The following RCSD1 variants were observed in gnomAD, a reference collection of about 807,000 sequenced individuals.
RCSD1 encodes capZ-interacting protein.
Under a neutral mutation model 42.5 loss-of-function variants are expected in RCSD1, and 26 were observed. The observed-to-expected ratio is 0.61, with a 90% confidence interval of 0.45 to 0.85. The LOEUF (loss-of-function observed/expected upper bound fraction) is 0.85. Among genes scored for constraint, RCSD1 ranks in the 40% least tolerant of loss-of-function variants. The pLI is 0.00. For synonymous variants in RCSD1, 220 were observed against 212.2 expected (o/e 1.04, Z -0.32); for missense variants, 571 against 528.3 (o/e 1.08, Z -0.79).
intron 1 of RCSD1, among the ~76,000 whole-genome samples, chr1:167,670,839 C>T (rs970071321): frequency 1.3e-5 from 2 of 152,178 alleles, no homozygotes; most frequent in African/African-American, 2.4e-5. Flanking sequence ...CAATTCTGGT[C>T]AGTCCTTCCT....
At chr1:167,689,138 T>C (rs151010536) in intron 3 of RCSD1, among the ~76,000 whole-genome samples, 15 of 152,138 alleles carry the variant, frequency 9.9e-5, no homozygotes, top group African/African-American at 3.6e-4. Context: ...CATCTTTGTA[T>C]GACCCACACA....
intron 1 of RCSD1, among the ~76,000 whole-genome samples, chr1:167,632,683 G>A (rs1571662383): frequency 8.2e-6 from 1 of 122,432 alleles, no homozygotes. Flanking sequence ...ATCACCCTGC[G>A]TCTCACATCC....
chr1:167,658,878 C>T (rs1213465128), intron 1 of RCSD1, among the ~76,000 whole-genome samples: 3 of 152,064 alleles, frequency 2.0e-5, no homozygotes, highest in Non-Finnish European at 4.4e-5. Context: ...TGTACGCTAG[C>T]ATTTATGTCT....
In RCSD1 at chr1:167,707,160, G is replaced by A. The variant is rs1659774236; in HGVS notation, c.*2464G>A. 6.6e-6 allele frequency among the ~76,000 whole-genome samples: 1 copy of A among 152,200 alleles called. No homozygotes were observed. The highest frequency in any genetic ancestry group is 2.1e-4 in the South Asian group (1 of 4,824). ...AAAAGGGGATTAGGATTCTGTTTCA[G>A]CTGCATGTGGAACTAGGTAAGCTTC... is the stretch of plus-strand genomic sequence containing the variant. On this transcript the variant is annotated 3_prime_UTR_variant, in exon 7 of 7. Coordinates refer to ENST00000367854, the MANE Select transcript of RCSD1 (RefSeq NM_052862.4).
Position 167,707,094 on chromosome 1 carries a change from GA to G in RCSD1, c.*2406del, listed in dbSNP as rs981744199. Among the ~76,000 whole-genome samples, 8 of 152,090 alleles carry G rather than the reference GA, an allele frequency of 5.3e-5. No individual in the cohort carries two copies. Among genetic ancestry groups the G allele is most frequent in the African/African-American group, 1.4e-4 (6 of 41,486 alleles). The stretch of plus-strand genomic sequence containing the variant: ...CTTCCTTACTCCAGAGAGGGAGCAA[GA>G]AAAAAAACCTGGATGCTTTGAAGGG... On this transcript the variant is annotated 3_prime_UTR_variant, in exon 7 of 7. Coordinates refer to ENST00000367854, the MANE Select transcript of RCSD1 (RefSeq NM_052862.4).
chr1:167,659,933 G>A (rs745958109), intron 1 of RCSD1, among the ~76,000 whole-genome samples: 22 of 151,998 alleles, frequency 1.4e-4, no homozygotes, highest in African/African-American at 1.5e-4. Flanking sequence ...GACATTGAAC[G>A]CTCTCTCCAA....
At chr1:167,639,575 C>T (rs1038802932) in intron 1 of RCSD1, among the ~76,000 whole-genome samples, 1 of 152,134 alleles carries the variant, frequency 6.6e-6, no homozygotes, top group Non-Finnish European at 1.5e-5. Context: ...TCACTGCAAC[C>T]TCCACCTCCC....
At chr1:167,648,877 GTCAC>G (rs1319479683) in intron 1 of RCSD1, among the ~76,000 whole-genome samples, 4 of 152,200 alleles carry the variant, frequency 2.6e-5, no homozygotes, top group Non-Finnish European at 4.4e-5. Context: ...GAAGCAATCA[GTCAC>G]TCGCTTGCTT....
chr1:167,699,265 G>T (rs190885473), intron 6 of RCSD1, among the ~76,000 whole-genome samples: 134 of 152,260 alleles, frequency 8.8e-4, no homozygotes, highest in African/African-American at 2.9e-3. Flanking sequence ...CACAAACTTG[G>T]TGGCTCAAAA....
intron 6 of RCSD1, among the ~76,000 whole-genome samples, chr1:167,698,335 A>G (rs572958606): frequency 2.0e-5 from 3 of 152,368 alleles, no homozygotes; most frequent in East Asian, 3.9e-4. Context: ...AGGGAAGCCC[A>G]AAGTGCAAGT....
intron 1 of RCSD1, among the ~76,000 whole-genome samples, chr1:167,679,781 C>A (rs1315135683): frequency 6.6e-6 from 1 of 152,148 alleles, no homozygotes; most frequent in Non-Finnish European, 1.5e-5. Context: ...GATACTGAGA[C>A]CTTGGATGAG....
At chr1:167,636,941 C>G (rs1657875490) in intron 1 of RCSD1, among the ~76,000 whole-genome samples, 1 of 152,172 alleles carries the variant, frequency 6.6e-6, no homozygotes, top group Non-Finnish European at 1.5e-5. Context: ...GCCTGCCAGG[C>G]ACTGCGGATC....
rs1396868922 is a variant in RCSD1 at position 167,694,119 on chromosome 1, A to G, written c.291A>G (p.Pro97=). ...EKLQANLTFD[P]AALLPGASPK... is the part of the protein sequence containing the mutation. ...GACAGGCCAATTTAACCTTTGACCCAGCTGCTCTACTGCCTGGGGCCTCAC... is the reference window on the plus strand; with the variant it reads ...GACAGGCCAATTTAACCTTTGACCCGGCTGCTCTACTGCCTGGGGCCTCAC... The change falls in exon 5 of 7, where the codon CCA becomes CCG. Residue 97 remains proline (P), a synonymous_variant. Coordinates refer to ENST00000367854, the MANE Select transcript of RCSD1 (RefSeq NM_052862.4). 1.9e-6 allele frequency: 3 copies of G among 1,614,086 alleles called. No homozygotes were observed. The Admixed American group carries it at 5.0e-5, about 27-fold the overall frequency.
At chr1:167,702,743 C>T (rs1659672746) in intron 6 of RCSD1, among the ~76,000 whole-genome samples, 1 of 152,186 alleles carries the variant, frequency 6.6e-6, no homozygotes, top group African/African-American at 2.4e-5. Context: ...CGAGCCACTT[C>T]ACTCTGGCCT....
At chr1:167,685,619 C>T in intron 3 of RCSD1, 109 bp downstream of exon 3, 1 of 821,898 alleles carries the variant, frequency 1.2e-6, no homozygotes, top group Non-Finnish European at 2.0e-6. Context: ...AGCTCAGACT[C>T]TGTGCAGGGA....
chr1:167,650,746 G>A (rs1658279740), intron 1 of RCSD1, among the ~76,000 whole-genome samples: 3 of 152,298 alleles, frequency 2.0e-5, no homozygotes, highest in South Asian at 4.1e-4. Flanking sequence ...GGCTCTGCTC[G>A]TGTGAGGTTA....
intron 1 of RCSD1, among the ~76,000 whole-genome samples, chr1:167,665,817 CTTTTT>C (rs142368868): frequency 6.9e-6 from 1 of 145,768 alleles, no homozygotes. Flanking sequence ...TGATGAGCAC[CTTTTT>C]TTTTTTTGAG....
intron 1 of RCSD1, among the ~76,000 whole-genome samples, chr1:167,675,116 G>C (rs946388998): frequency 3.4e-5 from 5 of 148,356 alleles, no homozygotes. Context: ...TGAGGCAGGA[G>C]AGCTGCTTGA....
chr1:167,659,082 C>G (rs919184061), intron 1 of RCSD1, among the ~76,000 whole-genome samples: 5 of 152,210 alleles, frequency 3.3e-5, no homozygotes, highest in Admixed American at 6.5e-5. Context: ...CTCTCCCTCT[C>G]CTTCCCACCG....
Sources: allele counts gnomAD v4.1 joint callset (sites outside exome capture counted in the v4.1 genomes callset), GRCh38; gene constraint gnomAD v4.1.1; transcripts MANE v1.5; gene names NCBI Gene and HGNC (gene_info 2026-07-23, HGNC 2026-07-21).